Variants in MGAT4A observed in about 807,000 individuals in gnomAD.
MGAT4A encodes the protein alpha-1,3-mannosyl-glycoprotein 4-beta-N-acetylglucosaminyltransferase A.
A neutral mutation model predicts 74.1 loss-of-function variants in MGAT4A; 33 were observed. The observed-to-expected ratio is 0.45, with a 90% CI of 0.34 to 0.60. The LOEUF is 0.60. MGAT4A is among the 20% of genes least tolerant of loss of function. The probability of loss-of-function intolerance (pLI) is 0.02; values close to 1 mark genes in which losing one functional copy is unlikely to be tolerated. For synonymous variants in MGAT4A, 198 were observed against 210.4 expected, an observed-to-expected ratio of 0.94 and a Z score of 0.51; for missense variants, 479 against 628.3, an observed-to-expected ratio of 0.76 and a Z score of 2.54.
In MGAT4A at chr2:98,653,198, T is replaced by C. The variant is rs574572187; in HGVS notation, c.774+2247A>G. On this transcript the variant is annotated intron_variant, in intron 8 of 15. Transcript: ENST00000393487. ...AGGGAAGTTTATACCAGTAAACATT[T>C]ACATTAAAAAAAAGAAGAAAGATCT... Among the ~76,000 whole-genome samples, 3 of 147,916 alleles carry C rather than the reference T, an allele frequency of 2.0e-5. No individual in the cohort carries two copies. The South Asian group carries it at 6.4e-4, about 32-fold the overall frequency.
chr2:98,689,834 C>T (rs1371660217), intron 2 of MGAT4A, among the ~76,000 whole-genome samples: 2 of 151,808 alleles, frequency 1.3e-5, no homozygotes, highest in Non-Finnish European at 1.5e-5. Flanking sequence ...ACAACCACCA[C>T]AAAAAATAAA....
At chr2:98,652,658 C>T (rs1037479131) in intron 8 of MGAT4A, among the ~76,000 whole-genome samples, 1 of 151,820 alleles carries the variant, frequency 6.6e-6, no homozygotes, top group African/African-American at 2.4e-5. Context: ...CAGGTTTTCA[C>T]TCTGTCACCC....
intron 2 of MGAT4A, among the ~76,000 whole-genome samples, chr2:98,700,823 G>A (rs1401020800): frequency 7.3e-5 from 11 of 151,440 alleles, no homozygotes; most frequent in Admixed American, 5.9e-4. Flanking sequence ...CCCGGGAGGC[G>A]GAGGTTGCAG....
At position 98,625,417 on chromosome 2, in the gene MGAT4A, G is replaced by C; in HGVS notation, c.*149C>G. On this transcript the variant is annotated 3_prime_UTR_variant, in exon 16 of 16. Coordinates refer to ENST00000393487, the MANE Select transcript of MGAT4A (RefSeq NM_012214.3). Reference sequence around the variant, plus strand: ...TCAAACAAATACAATTATTATGGGAGATTCACTTTCCAAGTGGAAATGACA... The same window carrying C: ...TCAAACAAATACAATTATTATGGGACATTCACTTTCCAAGTGGAAATGACA... 8.8e-6 allele frequency: 13 copies of C among 1,468,998 alleles called. No homozygotes were observed. Among genetic ancestry groups the C allele is most frequent in the Non-Finnish European group, 1.2e-5 (13 of 1,112,930 alleles). The allele number at this position is 1,468,998 out of a possible 1,614,324, so 91.0% of individuals were successfully genotyped here. A position where few individuals can be genotyped will look rare whatever the true frequency, so the allele number is the denominator to read the frequency against.
intron 14 of MGAT4A, among the ~76,000 whole-genome samples, chr2:98,630,883 C>G (rs907685691): frequency 6.6e-6 from 1 of 152,168 alleles, no homozygotes; most frequent in Admixed American, 6.5e-5. Flanking sequence ...AAACTACAAA[C>G]TTAACCTTTG....
At chr2:98,657,553 A>C (rs148542707) in intron 6 of MGAT4A, among the ~76,000 whole-genome samples, 1 of 152,334 alleles carries the variant, frequency 6.6e-6, no homozygotes, top group East Asian at 1.9e-4. Context: ...ACAAGGAGCC[A>C]CATTATTTTA....
At position 98,726,506 on chromosome 2, in the gene MGAT4A, A is replaced by G. The variant is rs1702764512; in HGVS notation, c.-174T>C. 2 of 525,756 alleles carry G rather than the reference A, an allele frequency of 3.8e-6. No homozygotes were observed. The highest frequency in any genetic ancestry group is 6.8e-6 in the Non-Finnish European group (2 of 295,752). 32.6% of individuals were successfully genotyped at this position (525,756 alleles called of 1,614,324 possible). On this transcript the variant is annotated 5_prime_UTR_variant, in exon 2 of 16. Coordinates refer to ENST00000393487, the MANE Select transcript of MGAT4A (RefSeq NM_012214.3). Reference sequence around the variant, plus strand: ...GAGGAGCCTAGCAGCAATGCTGTTCACAACTGTACTCGGGATCGTCTTTGC... The same window carrying G: ...GAGGAGCCTAGCAGCAATGCTGTTCGCAACTGTACTCGGGATCGTCTTTGC...
intron 2 of MGAT4A, among the ~76,000 whole-genome samples, chr2:98,692,919 T>C (rs1702214255): frequency 6.6e-6 from 1 of 152,092 alleles, no homozygotes; most frequent in African/African-American, 2.4e-5. Context: ...CCAAATTTGG[T>C]AAAACACATA....
intron 2 of MGAT4A, among the ~76,000 whole-genome samples, chr2:98,711,385 C>T (rs1702517210): frequency 1.3e-5 from 2 of 151,712 alleles, no homozygotes; most frequent in South Asian, 2.1e-4. Flanking sequence ...ACATTTGACA[C>T]GAATGGTCCC....
At chr2:98,712,533 C>T (rs1282890265) in intron 2 of MGAT4A, among the ~76,000 whole-genome samples, 1 of 152,170 alleles carries the variant, frequency 6.6e-6, no homozygotes, top group Non-Finnish European at 1.5e-5. Context: ...CACAGGTGTG[C>T]CCCTTTGTGA....
chr2:98,642,436 G>A (rs1332794500), intron 10 of MGAT4A, among the ~76,000 whole-genome samples: 1 of 152,204 alleles, frequency 6.6e-6, no homozygotes, highest in East Asian at 1.9e-4. Flanking sequence ...AAGAATTAGA[G>A]GCCACACAAA....
chr2:98,723,793 A>C (rs1479487393), intron 2 of MGAT4A, among the ~76,000 whole-genome samples: 3 of 152,180 alleles, frequency 2.0e-5, no homozygotes, highest in Non-Finnish European at 4.4e-5. Context: ...TGTGTAAAGC[A>C]CCTGAAGAAT....
chr2:98,684,963 A>G (rs1287866935), intron 2 of MGAT4A, among the ~76,000 whole-genome samples: 1 of 152,186 alleles, frequency 6.6e-6, no homozygotes, highest in Non-Finnish European at 1.5e-5. Context: ...TGGGCCGGGC[A>G]TGGTGGCTCA....
chr2:98,722,971 A>G (rs1673322680), intron 2 of MGAT4A, among the ~76,000 whole-genome samples: 1 of 152,048 alleles, frequency 6.6e-6, no homozygotes, highest in African/African-American at 2.4e-5. Context: ...CCCCACTCTC[A>G]CAACACCCAC....
chr2:98,645,050 A>T (rs1701465314), intron 9 of MGAT4A, among the ~76,000 whole-genome samples: 2 of 152,252 alleles, frequency 1.3e-5, no homozygotes, highest in South Asian at 4.1e-4. Context: ...CTGAATTAGG[A>T]CTTCATGCAT....
intron 11 of MGAT4A, 37 bp downstream of exon 11, chr2:98,640,084 T>C (rs757560870): frequency 1.1e-5 from 18 of 1,573,364 alleles, no homozygotes; most frequent in Middle Eastern, 1.7e-4. Context: ...AAATAACAAG[T>C]TGTATGTTCA....
chr2:98,638,856 A>T (rs1313274121), intron 12 of MGAT4A, among the ~76,000 whole-genome samples: 1 of 152,242 alleles, frequency 6.6e-6, no homozygotes, highest in African/African-American at 2.4e-5. Context: ...GATTCTAAAA[A>T]TCAAATTGGC....
intron 4 of MGAT4A, among the ~76,000 whole-genome samples, chr2:98,667,912 G>C (rs1701859815): frequency 6.6e-6 from 1 of 152,088 alleles, no homozygotes; most frequent in African/African-American, 2.4e-5. Context: ...TAGAGACAGG[G>C]TTTCACCATG....
Position 98,655,517 on chromosome 2 carries a change from C to T in MGAT4A, c.702G>A (p.Trp234Ter). The change falls in exon 8 of 16, where the codon TGG (tryptophan) becomes TGA (stop). Residue 234 changes from tryptophan to a stop codon, truncating the protein, a stop_gained. Transcript: ENST00000393487. LOFTEE classifies it high-confidence loss of function. Reference protein sequence around the residue: ...TFGDSKERVRWRTKQNLDYCF... With the variant: ...TFGDSKERVR ...AGTAATCTAGGTTTTGCTTTGTTCT[C>T]CATCTGAAATAAACATTTTCAAAAA... is the stretch of plus-strand genomic sequence containing the variant. The T allele has an allele frequency of 6.2e-7, 1 of 1,605,022 alleles. No homozygotes were observed. Among genetic ancestry groups the T allele is most frequent in the Non-Finnish European group, 8.5e-7 (1 of 1,173,816 alleles).
Sources: allele counts gnomAD v4.1 joint callset (sites outside exome capture counted in the v4.1 genomes callset), GRCh38; gene constraint gnomAD v4.1.1; transcripts MANE v1.5; gene names NCBI Gene and HGNC (gene_info 2026-07-23, HGNC 2026-07-21).